PITPNM1: variants seen among roughly 807,000 people sequenced by gnomAD.
PITPNM1 encodes phosphatidylinositol transfer protein membrane associated 1.
In PITPNM1, 74 loss-of-function variants were observed where a neutral mutation model predicts 133.3. That is an observed-to-expected ratio of 0.56 (90% CI 0.46 to 0.67). The LOEUF (loss-of-function observed/expected upper bound fraction) is 0.67. Among genes scored for constraint, PITPNM1 ranks in the 30% least tolerant of loss-of-function variants. The pLI is 0.00. For missense variants in PITPNM1, 1,398 were observed against 1,739.5 expected, an observed-to-expected ratio of 0.80 and a Z score of 3.49; for synonymous variants, 738 against 741.4, an observed-to-expected ratio of 1.00 and a Z score of 0.08.
intron 18 of PITPNM1, 113 bp from the exon 19 acceptor site, chr11:67,494,473 G>T: frequency 2.7e-6 from 2 of 736,966 alleles, no homozygotes; most frequent in Non-Finnish European, 4.3e-6. Flanking sequence ...TAGAGGCGGC[G>T]GGGCATTGAG....
Position 67,496,335 on chromosome 11 carries a change from G to T in PITPNM1, c.2160C>A (p.Arg720=). ...VMPALEAAQM[R]PACEQIYNLF... is the part of the protein sequence containing the mutation. ...GGTTGTAGATCTGTTCACAGGCTGG[G>T]CGCATCTGGGCTGCTGGTACCCAGA... is the stretch of plus-strand genomic sequence containing the variant. The change falls in exon 15 of 24, where the codon CGC becomes CGA. Residue 720 remains arginine, a synonymous_variant. Coordinates refer to ENST00000356404, the MANE Select transcript of PITPNM1 (RefSeq NM_004910.3). 6.3e-7 allele frequency: 1 copy of T among 1,577,114 alleles called. No homozygotes were observed. Among genetic ancestry groups the T allele is most frequent in the Non-Finnish European group, 8.6e-7 (1 of 1,167,472 alleles).
chr11:67,493,690 G>T lies in PITPNM1; in HGVS notation c.3156C>A (p.Val1052=). The T allele has an allele frequency of 6.5e-7, 1 of 1,546,204 alleles. No individual in the cohort carries two copies. ...PKVRAGAVDV[V]RHWQDSGYLI... ...GTGGTGGCAGTGGCAACTCCTACCTGACCACGTCCACGGCGCCAGCTCGCA... is the reference window on the plus strand; with the variant it reads ...GTGGTGGCAGTGGCAACTCCTACCTTACCACGTCCACGGCGCCAGCTCGCA... Residue 1052 remains valine (V), a splice_region_variant and synonymous_variant, in exon 21 of 24, where the codon GTC becomes GTA. Transcript: ENST00000356404.
At position 67,499,753 on chromosome 11, in the gene PITPNM1, C is replaced by A. The variant is rs1866262143; in HGVS notation, c.1141G>T (p.Ala381Ser). The stretch of plus-strand genomic sequence containing the variant: ...GTTCCCTCTGCCTCCACTGGGGAGG[C>A]AAAGGCATCAATGAAGTCATTGGAG... ...WNSNDFIDAF[A>S]SPVEAEGTPE... The change falls in exon 8 of 24, where the codon GCC becomes TCC. Residue 381 changes from alanine to serine, a missense_variant. By Grantham distance (99) the Ala-to-Ser change is moderately conservative. Around this residue, in one of 5 missense-constraint regions of PITPNM1, gnomAD observed 195 missense variants for 178.8 expected, o/e 1.09. Coordinates refer to ENST00000356404, the MANE Select transcript of PITPNM1 (RefSeq NM_004910.3). 1 of 1,513,546 alleles carries A rather than the reference C, an allele frequency of 6.6e-7. No individual in the cohort carries two copies. 93.8% of individuals were successfully genotyped at this position (1,513,546 alleles called of 1,614,324 possible). A position where few individuals can be genotyped will look rare whatever the true frequency, so the allele number is the denominator to read the frequency against.
rs1308819272 is a variant in PITPNM1, at chr11:67,502,706, C to T, written c.91G>A (p.Glu31Lys). Residue 31 changes from glutamate (E) to lysine (K), a missense_variant, in exon 3 of 24, where the codon GAG becomes AAG. Glu to Lys is a moderately conservative substitution (Grantham distance 56). Transcript: ENST00000356404. This position sits in a 1 kb window ranked among gnomAD's most constrained non-coding sequence, Gnocchi z 5.9. Reference sequence around the variant, plus strand: ...CCGCTGCCCTCACCACTAGACTCCTCCCGGCTCTTTTTCTGTGGCCCAAGG... The same window carrying T: ...CCGCTGCCCTCACCACTAGACTCCTTCCGGCTCTTTTTCTGTGGCCCAAGG... ...QLYMIQKKSR[E>K]ESSGEGSGVE... The T allele has an allele frequency of 1.2e-6, 2 of 1,612,444 alleles. No homozygotes were observed. Among genetic ancestry groups the T allele is most frequent in the Non-Finnish European group, 1.7e-6 (2 of 1,179,252 alleles).
At position 67,504,685 on chromosome 11, in the gene PITPNM1, A is replaced by C. The variant is rs1866442685; in HGVS notation, c.-41-464T>G. The C allele has an allele frequency of 6.7e-6, 1 of 149,888 alleles. No homozygotes were observed. Among genetic ancestry groups the C allele is most frequent in the Non-Finnish European group, 1.5e-5 (1 of 67,358 alleles). The allele number at this position is 149,888 out of a possible 1,614,324, so 9.3% of individuals were successfully genotyped here. ...GAGTCGGCGGGGTCCCAAGTCCCCC[A>C]CTCTCGGACGTCCACCTAGAGCTTT... On this transcript the variant is annotated intron_variant, in intron 1 of 23. Coordinates refer to ENST00000356404, the MANE Select transcript of PITPNM1 (RefSeq NM_004910.3). The surrounding 1 kb of genome is among the most constrained non-coding windows in gnomAD (Gnocchi z 5.4).
rs563658259 is a variant in PITPNM1, at chr11:67,493,397, C to G, written c.3342+13G>C. 3.2e-6 allele frequency: 5 copies of G among 1,562,288 alleles called. No homozygotes were observed. The South Asian group carries it at 5.8e-5, about 18-fold the overall frequency. On this transcript the variant is annotated intron_variant, in intron 22 of 23. Coordinates refer to ENST00000356404, the MANE Select transcript of PITPNM1 (RefSeq NM_004910.3). ...GCGGGGTCAGGACCCGGAGCCTCCC[C>G]CAGCCGCCGCACCTCCTGCACCAGG... is the stretch of plus-strand genomic sequence containing the variant.
intron 18 of PITPNM1, 80 bp downstream of exon 18, chr11:67,494,766 C>T (rs1243349113): frequency 5.0e-6 from 3 of 598,042 alleles, no homozygotes; most frequent in Non-Finnish European, 7.8e-6. Context: ...GAGGGGGGTG[C>T]TGGGGGGAGG....
At position 67,492,308 on chromosome 11, in the gene PITPNM1, G is replaced by A. The variant is rs771785289; in HGVS notation, c.3472-12C>T. 2 of 1,542,732 alleles carry A rather than the reference G, an allele frequency of 1.3e-6. No individual in the cohort carries two copies. The highest frequency in any genetic ancestry group is 1.8e-6 in the Non-Finnish European group (2 of 1,142,358). On this transcript the variant is annotated splice_polypyrimidine_tract_variant and intron_variant, in intron 23 of 23. Coordinates refer to ENST00000356404, the MANE Select transcript of PITPNM1 (RefSeq NM_004910.3). ...CCGTCTGACAGGAACTGTGGGCAGAGGTAGGCAGCGATGAGGGGGTGCTGG... is the reference window on the plus strand; with the variant it reads ...CCGTCTGACAGGAACTGTGGGCAGAAGTAGGCAGCGATGAGGGGGTGCTGG...
upstream of PITPNM1, among the ~76,000 whole-genome samples, chr11:67,505,906 T>C (rs947515413): frequency 1.6e-4 from 25 of 152,274 alleles, no homozygotes; most frequent in African/African-American, 5.3e-4. This position sits in a 1 kb window ranked among gnomAD's most constrained non-coding sequence, Gnocchi z 5.8. Context: ...ACCTCTGCCT[T>C]CCGGGTCCAC....
rs766779678 is a variant in PITPNM1, at chr11:67,496,348, G to A, written c.2147C>T (p.Ala716Val). 28 of 1,573,906 alleles carry A rather than the reference G, an allele frequency of 1.8e-5. No individual in the cohort carries two copies. The highest frequency in any genetic ancestry group is 9.3e-5 in the Admixed American group (5 of 53,948). Residue 716 changes from alanine to valine, a missense_variant and splice_region_variant, in exon 15 of 24, where the codon GCA (alanine) becomes GTA (valine). Physicochemically the swap from Ala to Val is moderately conservative, Grantham distance 64. Transcript: ENST00000356404. Reference protein sequence around the residue: ...LRKTVMPALEAAQMRPACEQI... With the variant: ...LRKTVMPALEVAQMRPACEQI... Reference sequence around the variant, plus strand: ...TTCACAGGCTGGGCGCATCTGGGCTGCTGGTACCCAGAAGACAGAGAAAGA... The same window carrying A: ...TTCACAGGCTGGGCGCATCTGGGCTACTGGTACCCAGAAGACAGAGAAAGA...
chr11:67,504,477 C>A lies in PITPNM1; in HGVS notation c.-41-256G>T, dbSNP rs1033608052. On this transcript the variant is annotated intron_variant, in intron 1 of 23. Transcript: ENST00000356404. This position sits in a 1 kb window ranked among gnomAD's most constrained non-coding sequence, Gnocchi z 5.4. ...GGCAACCGCGCGCTGACGCGGGCCC[C>A]CCGGAGCGCCAGGCTCCGGCCGGCG... is the stretch of plus-strand genomic sequence containing the variant. 6.5e-6 allele frequency: 1 copy of A among 154,194 alleles called. No individual in the cohort carries two copies. The highest frequency in any genetic ancestry group is 2.4e-5 in the African/African-American group (1 of 41,496). The allele number at this position is 154,194 out of a possible 1,614,324, so 9.6% of individuals were successfully genotyped here. A position where few individuals can be genotyped will look rare whatever the true frequency, so the allele number is the denominator to read the frequency against.
At position 67,499,951 on chromosome 11, in the gene PITPNM1, A is replaced by G; in HGVS notation, c.1026T>C (p.Ser342=). 6.2e-7 allele frequency: 1 copy of G among 1,612,476 alleles called. No individual in the cohort carries two copies. The highest frequency in any genetic ancestry group is 8.5e-7 in the Non-Finnish European group (1 of 1,179,812). The part of the protein sequence containing the change: ...EWRMQNIARD[S]ENSSEEEFFD... ...AGAACTCTTCCTCGGAGCTGTTCTC[A>G]GAGTCTCGGGCAATGTTCTGCATGC... is the stretch of plus-strand genomic sequence containing the variant. Residue 342 remains serine, a synonymous_variant, in exon 7 of 24, where the codon TCT becomes TCC. Coordinates refer to ENST00000356404, the MANE Select transcript of PITPNM1 (RefSeq NM_004910.3).
chr11:67,499,804 A>G lies in PITPNM1; in HGVS notation c.1090T>C (p.Phe364Leu). 6.4e-7 allele frequency: 1 copy of G among 1,554,696 alleles called. No individual in the cohort carries two copies. The highest frequency in any genetic ancestry group is 8.7e-7 in the Non-Finnish European group (1 of 1,144,176). ...TTCCACTTGGTCATCTCCTTGGGGA[A>G]GACCTCCTCACTGTCCGAGAAGCCT... ...HEGFSDSEEV[F>L]PKEMTKWNSN... Residue 364 changes from phenylalanine (F) to leucine (L), a missense_variant, in exon 8 of 24, where the codon TTC becomes CTC. Coordinates refer to ENST00000356404, the MANE Select transcript of PITPNM1 (RefSeq NM_004910.3).
chr11:67,498,685 G>T lies in PITPNM1; in HGVS notation c.1395C>A (p.Arg465=). ...TLSSAFEAVT[R]IHFPEALGHV... is the part of the protein sequence containing the mutation. ...GGCCCAAGGCCTCAGGGAAGTGGAT[G>T]CGGGTGACGGCCTCGAAGGCGGAGC... Residue 465 remains arginine (R), a synonymous_variant, in exon 10 of 24, where the codon CGC becomes CGA. Coordinates refer to ENST00000356404, the MANE Select transcript of PITPNM1 (RefSeq NM_004910.3). The surrounding 1 kb of genome is among the most constrained non-coding windows in gnomAD (Gnocchi z 5.7). The T allele has an allele frequency of 6.2e-7, 1 of 1,603,730 alleles. No individual in the cohort carries two copies. The highest frequency in any genetic ancestry group is 8.5e-7 in the Non-Finnish European group (1 of 1,179,932).
Position 67,498,583 on chromosome 11 carries a change from C to T in PITPNM1, c.1484+13G>A, listed in dbSNP as rs772965616. The T allele has an allele frequency of 6.3e-7, 1 of 1,592,006 alleles. No homozygotes were observed. Among genetic ancestry groups the T allele is most frequent in the South Asian group, 1.1e-5 (1 of 90,852 alleles). The stretch of plus-strand genomic sequence containing the variant: ...TCCTACGAGTTCCCTGCCCTTCCAC[C>T]CGTGGCTAGTACTTGGAGACAAGGG... On this transcript the variant is annotated intron_variant, in intron 10 of 23. Coordinates refer to ENST00000356404, the MANE Select transcript of PITPNM1 (RefSeq NM_004910.3). This position sits in a 1 kb window ranked among gnomAD's most constrained non-coding sequence, Gnocchi z 5.7.
At position 67,502,286 on chromosome 11, in the gene PITPNM1, C is replaced by A. The variant is rs748567621; in HGVS notation, c.415+6G>T. 62 of 1,612,226 alleles carry A rather than the reference C, an allele frequency of 3.8e-5. No individual in the cohort carries two copies. Among genetic ancestry groups the A allele is most frequent in the Non-Finnish European group, 4.7e-5 (56 of 1,179,832 alleles). On this transcript the variant is annotated splice_donor_region_variant and intron_variant, in intron 4 of 23. Coordinates refer to ENST00000356404, the MANE Select transcript of PITPNM1 (RefSeq NM_004910.3). The surrounding 1 kb of genome is among the most constrained non-coding windows in gnomAD (Gnocchi z 5.9). ...GCCAGGGTCCCCCCATAGCTCCAGG[C>A]CTCACCCAGGATGCGCTGTCTCCTC...
chr11:67,493,449 T>C lies in PITPNM1; in HGVS notation c.3303A>G (p.Leu1101=). Residue 1101 remains leucine, a synonymous_variant, in exon 22 of 24, where the codon CTA becomes CTG. Transcript: ENST00000356404. The stretch of plus-strand genomic sequence containing the variant: ...TCTGCAGAAACATTGCCTTCTGGCG[T>C]AGTGGGTCGTGGGTGAGGCCGTCGC... ...SFCDGLTHDP[L]RQKAMFLQSL... The C allele has an allele frequency of 1.9e-6, 3 of 1,603,860 alleles. No homozygotes were observed. Among genetic ancestry groups the C allele is most frequent in the Non-Finnish European group, 2.6e-6 (3 of 1,174,694 alleles).
In PITPNM1 at chr11:67,502,204, G is replaced by A. The variant is rs1489075613; in HGVS notation, c.415+88C>T. On this transcript the variant is annotated intron_variant, in intron 4 of 23. Coordinates refer to ENST00000356404, the MANE Select transcript of PITPNM1 (RefSeq NM_004910.3). This position sits in a 1 kb window ranked among gnomAD's most constrained non-coding sequence, Gnocchi z 5.9. Reference sequence around the variant, plus strand: ...TTGCAGACAGGACATGAGGCCTGGAGAGGGCTGGGACTTCTCAGAGGCTGC... The same window carrying A: ...TTGCAGACAGGACATGAGGCCTGGAAAGGGCTGGGACTTCTCAGAGGCTGC... 9.6e-6 allele frequency: 15 copies of A among 1,568,094 alleles called. No individual in the cohort carries two copies. In the Admixed American group the frequency reaches 2.6e-4, roughly 28 times the overall value.
chr11:67,497,751 G>C, intron 12 of PITPNM1, 72 bp from the exon 13 acceptor site: 1 of 1,581,052 alleles, frequency 6.3e-7, no homozygotes, highest in Non-Finnish European at 8.6e-7. Context: ...TAGAAGTGAG[G>C]AGCGAGGCTT....
Sources: gnomAD v4.1 joint callset for allele counts (sites outside exome capture counted in the v4.1 genomes callset) on GRCh38, gnomAD v4.1.1 for gene constraint, gnomAD v4.1.1 regional missense constraint, Gnocchi (gnomAD v3.1) non-coding constraint, MANE v1.5 for transcripts, NCBI Gene and HGNC (gene_info 2026-07-23, HGNC 2026-07-21) for gene names.